Variants in TCERG1L observed in about 807,000 individuals in gnomAD.
The protein encoded by TCERG1L is transcription elongation regulator 1-like protein.
Under a neutral mutation model 56.3 loss-of-function variants are expected in TCERG1L, and 37 were observed. The ratio of observed to expected loss-of-function variants is 0.66; its 90% confidence interval spans 0.51 to 0.87. TCERG1L has a LOEUF of 0.87. TCERG1L is among the 40% of genes least tolerant of loss of function. The pLI is 0.00. For missense variants in TCERG1L, 799 were observed against 774.2 expected, an observed-to-expected ratio of 1.03 and a Z score of -0.38; for synonymous variants, 324 against 326.3, an observed-to-expected ratio of 0.99 and a Z score of 0.08.
chr10:131,135,620 T>C (rs1397809044), intron 7 of TCERG1L, among the ~76,000 whole-genome samples: 1 of 152,176 alleles, frequency 6.6e-6, no homozygotes, highest in Non-Finnish European at 1.5e-5. Context: ...CCCCGGCTCA[T>C]CCCAGTCATG....
intron 6 of TCERG1L, among the ~76,000 whole-genome samples, chr10:131,157,705 T>G (rs1845938726): frequency 6.6e-6 from 1 of 152,242 alleles, no homozygotes; most frequent in Admixed American, 6.5e-5. Flanking sequence ...AATTCAAGTT[T>G]CATTGCAACT....
chr10:131,235,112 C>T (rs2133514494), intron 4 of TCERG1L, among the ~76,000 whole-genome samples: 1 of 152,202 alleles, frequency 6.6e-6, no homozygotes, highest in East Asian at 1.9e-4. Flanking sequence ...CAGGGTCCTG[C>T]AGGTGCAGGA....
At chr10:131,094,146 C>A (rs1244800947) in intron 11 of TCERG1L, among the ~76,000 whole-genome samples, 3 of 152,232 alleles carry the variant, frequency 2.0e-5, no homozygotes, top group African/African-American at 7.2e-5. Context: ...AGGCACCGGG[C>A]CCCGCAACTT....
chr10:131,275,388 G>A (rs779710437), intron 3 of TCERG1L, among the ~76,000 whole-genome samples: 1 of 152,140 alleles, frequency 6.6e-6, no homozygotes, highest in African/African-American at 2.4e-5. Context: ...CACTAAGAAC[G>A]GAGAAAATTC....
intron 4 of TCERG1L, among the ~76,000 whole-genome samples, chr10:131,197,565 T>C (rs1045469823): frequency 1.1e-4 from 17 of 152,020 alleles, no homozygotes; most frequent in African/African-American, 4.1e-4. Context: ...AAATTAGCCA[T>C]GATCGAGCAT....
rs529097029 is a variant in TCERG1L, at chr10:131,142,615, G to A, written c.1189+3891C>T. On this transcript the variant is annotated intron_variant, in intron 7 of 11. Transcript: ENST00000368642. The stretch of plus-strand genomic sequence containing the variant: ...GCACGGCTGCTGCAGCTGCTGCCTG[G>A]TGAGCTCGCACCAAGAGTCACCTGT... Among the ~76,000 whole-genome samples the A allele has an allele frequency of 3.3e-5, 5 of 152,332 alleles. No homozygotes were observed. The South Asian group carries it at 8.3e-4, about 25-fold the overall frequency.
chr10:131,144,984 C>A (rs1378925081), intron 7 of TCERG1L, among the ~76,000 whole-genome samples: 2 of 152,162 alleles, frequency 1.3e-5, no homozygotes, highest in East Asian at 3.8e-4. Context: ...TTGGTCCAAA[C>A]AATAGAAATG....
chr10:131,259,823 T>C (rs1846214558), intron 4 of TCERG1L, among the ~76,000 whole-genome samples: 1 of 152,216 alleles, frequency 6.6e-6, no homozygotes, highest in Admixed American at 6.5e-5. Flanking sequence ...GCATGCCAAG[T>C]GGACTGCCTG....
intron 4 of TCERG1L, among the ~76,000 whole-genome samples, chr10:131,250,385 G>A (rs895452572): frequency 1.3e-4 from 12 of 90,874 alleles, no homozygotes; most frequent in African/African-American, 4.6e-4. Context: ...TGGAGGGATC[G>A]TGGGCTATTT....
At chr10:131,251,968 C>T (rs538764022) in intron 4 of TCERG1L, among the ~76,000 whole-genome samples, 39 of 152,296 alleles carry the variant, frequency 2.6e-4, no homozygotes, top group African/African-American at 9.1e-4. Flanking sequence ...TGGCAAGCAC[C>T]CTTCTACTAT....
At chr10:131,135,381 C>T (rs56937411) in intron 7 of TCERG1L, among the ~76,000 whole-genome samples, 1,971 of 152,246 alleles carry the variant, frequency 0.013, 31 homozygotes, top group African/African-American at 0.045. Flanking sequence ...ATGAAAACAG[C>T]GCTCAGCTCA....
intron 4 of TCERG1L, among the ~76,000 whole-genome samples, chr10:131,240,863 G>A (rs1351918019): frequency 6.6e-6 from 1 of 152,232 alleles, no homozygotes. Flanking sequence ...TATGAGATAG[G>A]AGAGGTGGAG....
rs776819987 is a variant in TCERG1L, at chr10:131,309,145, G to A, written c.489+8C>T. 8.1e-6 allele frequency: 13 copies of A among 1,607,108 alleles called. No individual in the cohort carries two copies. The highest frequency in any genetic ancestry group is 3.4e-5 in the Admixed American group (2 of 58,258). On this transcript the variant is annotated splice_region_variant and intron_variant, in intron 2 of 11. Transcript: ENST00000368642. ...CCCCTTATCCAATTAAATCACTTGC[G>A]TTTTTACCTTACAGTTAGGAATCCT...
chr10:131,198,998 G>C (rs1407528996), intron 4 of TCERG1L, among the ~76,000 whole-genome samples: 1 of 152,226 alleles, frequency 6.6e-6, no homozygotes, highest in Non-Finnish European at 1.5e-5. Context: ...GGGTCAGAAT[G>C]AGGGGAATGG....
At chr10:131,169,269 G>C (rs937533632) in intron 4 of TCERG1L, among the ~76,000 whole-genome samples, 3 of 150,932 alleles carry the variant, frequency 2.0e-5, no homozygotes, top group African/African-American at 7.3e-5. Context: ...GGGGCAAGCA[G>C]ATGGGGACAC....
At chr10:131,248,942 G>T (rs946462199) in intron 4 of TCERG1L, among the ~76,000 whole-genome samples, 22 of 152,324 alleles carry the variant, frequency 1.4e-4, no homozygotes, top group Non-Finnish European at 2.9e-4. Context: ...GCCCTAGGCC[G>T]CCCTCGGCAG....
intron 10 of TCERG1L, among the ~76,000 whole-genome samples, chr10:131,102,066 T>C (rs1317994094): frequency 6.6e-6 from 1 of 152,216 alleles, no homozygotes; most frequent in Non-Finnish European, 1.5e-5. Context: ...GTTATTAATG[T>C]CTATGGTTTT....
chr10:131,204,633 C>G (rs944667822), intron 4 of TCERG1L, among the ~76,000 whole-genome samples: 4 of 152,244 alleles, frequency 2.6e-5, no homozygotes, highest in Non-Finnish European at 4.4e-5. Context: ...TGTGTGTCCT[C>G]AAATCAAAGG....
chr10:131,096,175 A>G (rs1281090266), intron 11 of TCERG1L, among the ~76,000 whole-genome samples: 1 of 152,194 alleles, frequency 6.6e-6, no homozygotes, highest in African/African-American at 2.4e-5. Flanking sequence ...GAGCACAGGA[A>G]GGTCCAATAC....
Sources: gnomAD v4.1 joint callset for allele counts (sites outside exome capture counted in the v4.1 genomes callset) on GRCh38, gnomAD v4.1.1 for gene constraint, MANE v1.5 for transcripts, NCBI Gene and HGNC (gene_info 2026-07-23, HGNC 2026-07-21) for gene names.